The following PDLIM2 variants were observed in gnomAD, a reference collection of about 807,000 sequenced individuals.
PDLIM2 encodes PDZ and LIM domain 2.
PDLIM2 carries 51 observed loss-of-function variants against 54.1 expected under a neutral mutation model. The ratio of observed to expected loss-of-function variants is 0.94; its 90% CI spans 0.75 to 1.19. PDLIM2 has a LOEUF of 1.19. Among genes scored for constraint, PDLIM2 ranks in the 50% most tolerant of loss-of-function variants. The pLI is 0.00. For missense variants in PDLIM2, 912 were observed against 874.0 expected (o/e 1.04, Z -0.55); for synonymous variants, 398 against 385.6 (o/e 1.03, Z -0.38).
At position 22,579,399 on chromosome 8, in the gene PDLIM2, T is replaced by TCCAGCCC; in HGVS notation, c.628_634dup (p.Arg212ProfsTer18). The TCCAGCCC allele has an allele frequency of 6.6e-7, 1 of 1,510,872 alleles. No individual in the cohort carries two copies. Among genetic ancestry groups the TCCAGCCC allele is most frequent in the Non-Finnish European group, 8.8e-7 (1 of 1,136,662 alleles). 93.6% of individuals were successfully genotyped at this position (1,510,872 alleles called of 1,614,324 possible). ...CTCTCCCCGGCCGGAGCGCTCCTCC[T>TCCAGCCC]CCAGCCCCCAGCCCGCAGGGTACTT... On this transcript the variant is annotated frameshift_variant, in exon 1 of 10. Transcript: ENST00000308354. LOFTEE classifies it high-confidence loss of function.
Position 22,580,468 on chromosome 8 carries a change from C to G in PDLIM2, c.749-135C>G. The G allele has an allele frequency of 1.3e-6, 2 of 1,534,804 alleles. No individual in the cohort carries two copies. The highest frequency in any genetic ancestry group is 8.8e-7 in the Non-Finnish European group (1 of 1,142,032). ...GAGTTAGCCACTTCCTCTACCCACCCCAAAGCCCCTGAGTAGCTGCTCCGG... is the reference window on the plus strand; with the variant it reads ...GAGTTAGCCACTTCCTCTACCCACCGCAAAGCCCCTGAGTAGCTGCTCCGG... On this transcript the variant is annotated intron_variant, in intron 1 of 9. Transcript: ENST00000308354.
At chr8:22,587,735 T>G (rs1800419813) in intron 6 of PDLIM2, 1 of 152,396 alleles carries the variant, frequency 6.6e-6, no homozygotes. Flanking sequence ...TGGTCTCCTT[T>G]TCTGGGCTGG....
chr8:22,592,313 C>CT (rs1800576404), intron 9 of PDLIM2: 1 of 152,050 alleles, frequency 6.6e-6, no homozygotes, highest in Non-Finnish European at 1.5e-5. Context: ...AACTCTTGAC[C>CT]TTAGGTGATC....
In PDLIM2 at chr8:22,586,271, C is replaced by T. The variant is rs118187459; in HGVS notation, c.1290+872C>T. ...TCCGAACAGCGGCTGCCTAGTGACCCGCTGCGTGCCCACCCAGAGGCCAGC... is the reference window on the plus strand; with the variant it reads ...TCCGAACAGCGGCTGCCTAGTGACCTGCTGCGTGCCCACCCAGAGGCCAGC... On this transcript the variant is annotated intron_variant, in intron 6 of 9. Transcript: ENST00000308354. Among the ~76,000 whole-genome samples the T allele has an allele frequency of 5.2e-3, 792 of 152,318 alleles. 3 individuals are homozygous for T. Among genetic ancestry groups the T allele is most frequent in the Non-Finnish European group, 8.5e-3 (579 of 68,032 alleles).
At chr8:22,581,598 C>T in intron 3 of PDLIM2, 68 bp downstream of exon 2, 23 of 1,493,266 alleles carry the variant, frequency 1.5e-5, no homozygotes, top group Non-Finnish European at 2.0e-5. Flanking sequence ...ATTGAGCAGC[C>T]CTTGCTCCTG....
At chr8:22,587,996 T>G (rs1331488849) in intron 6 of PDLIM2, 2 of 152,304 alleles carry the variant, frequency 1.3e-5, no homozygotes, top group South Asian at 4.1e-4. Flanking sequence ...CCCGGGCCGG[T>G]GCCCTAGGCA....
intron 3 of PDLIM2, among the ~76,000 whole-genome samples, chr8:22,582,129 G>A (rs143737038): frequency 7.4e-4 from 112 of 152,352 alleles, no homozygotes; most frequent in African/African-American, 2.6e-3. Context: ...GCTCCCTGGG[G>A]TGGGGCATTG....
exon 1 of PDLIM2, chr8:22,579,054 C>A: frequency 2.4e-6 from 3 of 1,249,046 alleles, no homozygotes; most frequent in Non-Finnish European, 3.0e-6. Context: ...GCTTCTCGGG[C>A]TAGGGGCGGC....
downstream of PDLIM2, chr8:22,596,121 G>C (rs1298103895): frequency 6.6e-6 from 1 of 152,332 alleles, no homozygotes; most frequent in Non-Finnish European, 1.5e-5. Flanking sequence ...AAGGTTTTAA[G>C]CAGAGAAGTG....
exon 10 of PDLIM2, chr8:22,594,108 T>A: frequency 7.0e-7 from 1 of 1,426,762 alleles, no homozygotes; most frequent in Non-Finnish European, 9.1e-7. Context: ...TTGCCAGGCC[T>A]CTCCCCTGCA....
chr8:22,579,036 AGGCGGCGGCTTCTCGGGCTAGG>A lies in PDLIM2; in HGVS notation c.267_288del (p.Ser90GlyfsTer157), dbSNP rs1800111246. ...GGCAGCGCCTGGGCTCGCCGCGCGG[AGGCGGCGGCTTCTCGGGCTAGG>A]GGCGGCGGCAGGGGCGGCCCCGGGA... On this transcript the variant is annotated frameshift_variant, in exon 1 of 10. Coordinates refer to ENST00000308354, the Ensembl canonical transcript of PDLIM2. LOFTEE classifies it high-confidence loss of function. 1.6e-6 allele frequency: 2 copies of A among 1,240,320 alleles called. No individual in the cohort carries two copies. The highest frequency in any genetic ancestry group is 2.0e-6 in the Non-Finnish European group (2 of 994,300). The allele number at this position is 1,240,320 out of a possible 1,614,324, so 76.8% of individuals were successfully genotyped here.
intron 1 of PDLIM2, chr8:22,579,657 T>C (rs1340736236): frequency 8.9e-7 from 1 of 1,117,378 alleles, no homozygotes; most frequent in Non-Finnish European, 1.2e-6. Flanking sequence ...GCTGGTGCTC[T>C]TGATAGATTC....
At chr8:22,580,676 C>T (rs768469619) in exon 2 of PDLIM2, 9 of 1,614,060 alleles carry the variant, frequency 5.6e-6, no homozygotes, top group Non-Finnish European at 6.8e-6. Context: ...GGGATTTCCA[C>T]ACGCCCATCA....
chr8:22,585,264 C>A (rs542531804), intron 5 of PDLIM2, 57 bp from the exon 5 acceptor site: 3 of 1,601,332 alleles, frequency 1.9e-6, no homozygotes, highest in Admixed American at 1.7e-5. Flanking sequence ...GGGGCAGCAT[C>A]CTCCCTGGGC....
In PDLIM2 at chr8:22,585,412, G is replaced by C. The variant is rs754493536; in HGVS notation, c.1290+13G>C. ...TGGAAGCCGACAGGTGAGGCTCCCT[G>C]GGGGAGGACAGGCTGGAGGAACAGA... On this transcript the variant is annotated intron_variant, in intron 6 of 9. Transcript: ENST00000308354. 1 of 1,601,706 alleles carries C rather than the reference G, an allele frequency of 6.2e-7. No individual in the cohort carries two copies. The highest frequency in any genetic ancestry group is 8.5e-7 in the Non-Finnish European group (1 of 1,173,872).
intron 4 of PDLIM2, 39 bp downstream of exon 3, chr8:22,584,929 A>T (rs757832209): frequency 1.1e-5 from 17 of 1,613,674 alleles, no homozygotes; most frequent in Non-Finnish European, 1.4e-5. Flanking sequence ...CAGCACCCTG[A>T]TCACTGGTGC....
chr8:22,578,849 T>C (rs1800106662), exon 1 of PDLIM2: 1 of 1,234,480 alleles, frequency 8.1e-7, no homozygotes, highest in Non-Finnish European at 1.0e-6. Context: ...GTCTGCGAAG[T>C]GGGGCGCGGG....
At chr8:22,582,736 C>T in intron 3 of PDLIM2, among the ~76,000 whole-genome samples, 1 of 151,876 alleles carries the variant, frequency 6.6e-6, no homozygotes, top group South Asian at 2.1e-4. Context: ...CGCGTGCCAC[C>T]ACGCCCAGCT....
chr8:22,593,966 TTGGC>T, exon 10 of PDLIM2: 3 of 1,516,548 alleles, frequency 2.0e-6, no homozygotes, highest in Non-Finnish European at 2.7e-6. Flanking sequence ...CCTATATAAG[TTGGC>T]ATGGCAGGGA....
Sources: gnomAD v4.1 joint callset for allele counts (sites outside exome capture counted in the v4.1 genomes callset) on GRCh38, gnomAD v4.1.1 for gene constraint, MANE v1.5 for transcripts, NCBI Gene and HGNC (gene_info 2026-07-23, HGNC 2026-07-21) for gene names.